Variants in NUP85 observed in about 807,000 individuals in gnomAD.
NUP85 encodes the protein nucleoporin 85.
NUP85 carries 23 observed loss-of-function variants against 92.8 expected under a neutral mutation model. The ratio of observed to expected loss-of-function variants is 0.25; its 90% CI spans 0.18 to 0.35. NUP85 has a LOEUF of 0.35. NUP85 is among the 10% of genes least tolerant of loss of function. NUP85 has a pLI of 1.00. For missense variants in NUP85, 759 were observed against 822.8 expected, an observed-to-expected ratio of 0.92 and a Z score of 0.95; for synonymous variants, 314 against 306.9, an observed-to-expected ratio of 1.02 and a Z score of -0.24.
At chr17:75,211,285 G>A (rs530703120) in intron 3 of NUP85, among the ~76,000 whole-genome samples, 2 of 152,126 alleles carry the variant, frequency 1.3e-5, no homozygotes, top group South Asian at 4.1e-4. Flanking sequence ...TTATAGGAGT[G>A]AGCCACTGCA....
chr17:75,210,784 C>T (rs546617049), intron 3 of NUP85, among the ~76,000 whole-genome samples: 98 of 152,170 alleles, frequency 6.4e-4, no homozygotes, highest in African/African-American at 2.2e-3. Flanking sequence ...TCACTGTAAG[C>T]TCTGCCTCCT....
In NUP85 at chr17:75,212,077, C is replaced by T. The variant is rs1330195512; in HGVS notation, c.361+15C>T. ...CCAGGTTGCAAGTAAGGACTGTGTGCGCGTGCGCGCGTGTGTGTGTGTGTG... is the reference window on the plus strand; with the variant it reads ...CCAGGTTGCAAGTAAGGACTGTGTGTGCGTGCGCGCGTGTGTGTGTGTGTG... On this transcript the variant is annotated intron_variant, in intron 4 of 18. Transcript: ENST00000245544. 2.3e-5 allele frequency: 34 copies of T among 1,488,302 alleles called. No homozygotes were observed. Among genetic ancestry groups the T allele is most frequent in the Middle Eastern group, 1.7e-4 (1 of 5,788 alleles). 92.2% of individuals were successfully genotyped at this position (1,488,302 alleles called of 1,614,324 possible).
In NUP85 at chr17:75,234,723, A is replaced by G. The variant is rs1176497340; in HGVS notation, c.1702A>G (p.Ile568Val). 33 of 1,614,128 alleles carry G rather than the reference A, an allele frequency of 2.0e-5. No homozygotes were observed. The highest frequency in any genetic ancestry group is 2.7e-5 in the Non-Finnish European group (32 of 1,180,022). Residue 568 changes from isoleucine (I) to valine (V), a missense_variant, in exon 17 of 19, where the codon ATT (isoleucine) becomes GTT (valine). Transcript: ENST00000245544. Reference sequence around the variant, plus strand: ...CCTTCTGTCCTTGATGACGTCTCGGATTGCCCCTCGGTCTTTCTGGATGAC... The same window carrying G: ...CCTTCTGTCCTTGATGACGTCTCGGGTTGCCCCTCGGTCTTTCTGGATGAC... ...SLLLSLMTSR[I>V]APRSFWMTLL...
At chr17:75,218,363 C>T (rs1256569886) in intron 7 of NUP85, 57 bp downstream of exon 7, 9 of 1,604,534 alleles carry the variant, frequency 5.6e-6, no homozygotes, top group African/African-American at 1.3e-5. Flanking sequence ...CTGGTGCTGC[C>T]GGGTGGGTCT....
Position 75,222,045 on chromosome 17 carries a change from G to GT in NUP85, c.598-3055dup, listed in dbSNP as rs1464119711. Among the ~76,000 whole-genome samples, 46 of 26,834 alleles carry GT rather than the reference G, an allele frequency of 1.7e-3. 1 individual carries two copies. In the South Asian group the frequency reaches 0.13, roughly 75 times the overall value. The allele number at this position is 26,834 out of a possible 152,430, so 17.6% of individuals were successfully genotyped here. ...CTCGTGTGTGTGTGTGTTTTGTTTT[G>GT]TTTGTTTGTTTGTTTGTTTTGAGAC... On this transcript the variant is annotated intron_variant, in intron 7 of 18. Transcript: ENST00000245544.
chr17:75,211,234 C>T (rs2075250581), intron 3 of NUP85, among the ~76,000 whole-genome samples: 2 of 151,568 alleles, frequency 1.3e-5, no homozygotes, highest in South Asian at 2.1e-4. Context: ...AACTCCTGAC[C>T]TCAAGTGATC....
At position 75,225,431 on chromosome 17, in the gene NUP85, C is replaced by T. The variant is rs774652697; in HGVS notation, c.822C>T (p.Phe274=). The change falls in exon 9 of 19, where the codon TTC becomes TTT. Residue 274 remains phenylalanine, a synonymous_variant. Transcript: ENST00000245544. The part of the protein sequence containing the change: ...ECERYLQDST[F]ATSPHLESLL... ...AGCGGTACCTCCAGGACAGCACATT[C>T]GCCACCAGCCCTCACCTGGAGTCTC... 1.4e-5 allele frequency: 22 copies of T among 1,613,906 alleles called. No individual in the cohort carries two copies. The highest frequency in any genetic ancestry group is 1.8e-5 in the Non-Finnish European group (21 of 1,180,030).
chr17:75,210,528 A>G (rs1446366927), intron 3 of NUP85, among the ~76,000 whole-genome samples: 1 of 152,188 alleles, frequency 6.6e-6, no homozygotes, highest in Non-Finnish European at 1.5e-5. Flanking sequence ...TCTCCAGCAC[A>G]CTGAAGTTTA....
At position 75,232,861 on chromosome 17, in the gene NUP85, T is replaced by C; in HGVS notation, c.1407T>C (p.Ile469=). ...QRQMTEQVRS[I]CKILAMKAVR... ...TTTTCCCCTGCAAAGTTCGCAGCAT[T>C]TGTAAGATCTTAGCCATGAAAGCCG... Residue 469 remains isoleucine (I), a synonymous_variant, in exon 15 of 19, where the codon ATT becomes ATC. Coordinates refer to ENST00000245544, the MANE Select transcript of NUP85 (RefSeq NM_024844.5). 6.2e-7 allele frequency: 1 copy of C among 1,614,062 alleles called. No individual in the cohort carries two copies. Among genetic ancestry groups the C allele is most frequent in the East Asian group, 2.2e-5 (1 of 44,878 alleles).
At chr17:75,219,967 G>C (rs937498114) in intron 7 of NUP85, among the ~76,000 whole-genome samples, 1 of 152,106 alleles carries the variant, frequency 6.6e-6, no homozygotes, top group African/African-American at 2.4e-5. Context: ...GGGAGATAAA[G>C]ACAGAGCGAT....
chr17:75,209,857 C>T lies in NUP85; in HGVS notation c.162C>T (p.Ile54=). 1 of 1,575,484 alleles carries T rather than the reference C, an allele frequency of 6.3e-7. No individual in the cohort carries two copies. The highest frequency in any genetic ancestry group is 8.6e-7 in the Non-Finnish European group (1 of 1,168,828). The change falls in exon 3 of 19, where the codon ATC becomes ATT. Residue 54 remains isoleucine (I), a synonymous_variant. Transcript: ENST00000245544. The part of the protein sequence containing the change: ...KSEMVPSCPF[I]YIIRKDVDVY... Reference sequence around the variant, plus strand: ...AGATGGTGCCAAGTTGCCCCTTTATCTATATCATCCGTAAGGATGTAGATG... The same window carrying T: ...AGATGGTGCCAAGTTGCCCCTTTATTTATATCATCCGTAAGGATGTAGATG...
At chr17:75,232,606 G>A (rs934554883) in intron 14 of NUP85, among the ~76,000 whole-genome samples, 4 of 152,154 alleles carry the variant, frequency 2.6e-5, no homozygotes, top group Non-Finnish European at 4.4e-5. Context: ...GCAACGTTTT[G>A]CTCCCCTTGA....
intron 4 of NUP85, 24 bp from the exon 5 acceptor site, chr17:75,213,052 T>C: frequency 6.2e-7 from 1 of 1,608,950 alleles, no homozygotes; most frequent in South Asian, 1.1e-5. Context: ...CATTGCTCAC[T>C]TAAAATGTTT....
chr17:75,230,367 T>C (rs921079835), intron 11 of NUP85, among the ~76,000 whole-genome samples: 1 of 151,000 alleles, frequency 6.6e-6, no homozygotes, highest in African/African-American at 2.4e-5. Flanking sequence ...TTTTTGTTTT[T>C]TTTTTTTTTT....
In NUP85 at chr17:75,235,623, C is replaced by G. The variant is rs2076304371; in HGVS notation, c.1915C>G (p.Leu639Val). ...CAAGGTGGAAATGCTGAGACTTTCT[C>G]TGGCACGAAATCTTGCTCGGGCAAT... ...TTKVEMLRLS[L>V]ARNLARAIIR... The change falls in exon 19 of 19, where the codon CTG (leucine) becomes GTG (valine). Residue 639 changes from leucine to valine, a missense_variant. Transcript: ENST00000245544. The G allele has an allele frequency of 6.2e-7, 1 of 1,614,154 alleles. No homozygotes were observed. The highest frequency in any genetic ancestry group is 2.2e-5 in the East Asian group (1 of 44,890).
At chr17:75,207,118 G>A (rs1384716328) in intron 1 of NUP85, among the ~76,000 whole-genome samples, 1 of 151,986 alleles carries the variant, frequency 6.6e-6, no homozygotes, top group South Asian at 2.1e-4. Context: ...GAAAATTTTA[G>A]AGGCTCACAA....
chr17:75,232,035 C>T, intron 14 of NUP85, 56 bp downstream of exon 14: 2 of 1,594,662 alleles, frequency 1.3e-6, no homozygotes, highest in Non-Finnish European at 1.7e-6. Flanking sequence ...TCAGGGGATC[C>T]TGAGGTCACA....
chr17:75,208,570 A>C lies in NUP85; in HGVS notation c.77A>C (p.Asp26Ala). 6.2e-7 allele frequency: 1 copy of C among 1,610,322 alleles called. No homozygotes were observed. Among genetic ancestry groups the C allele is most frequent in the Non-Finnish European group, 8.5e-7 (1 of 1,176,978 alleles). Residue 26 changes from aspartate to alanine, a missense_variant, in exon 2 of 19, where the codon GAC (aspartate) becomes GCC (alanine). Asp to Ala is a moderately radical substitution (Grantham distance 126). Coordinates refer to ENST00000245544, the MANE Select transcript of NUP85 (RefSeq NM_024844.5). Reference protein sequence around the residue: ...VNSKKNQMYFDWGPGEMLVCE... With the variant: ...VNSKKNQMYFAWGPGEMLVCE... The stretch of plus-strand genomic sequence containing the variant: ...TCCAAGAAGAACCAAATGTATTTTG[A>C]CTGGGGTCCAGGGGAGATGCTGGTA...
intron 17 of NUP85, 136 bp downstream of exon 17, chr17:75,234,924 TG>T (rs1568099157): frequency 8.4e-7 from 1 of 1,187,072 alleles, no homozygotes; most frequent in Non-Finnish European, 1.3e-6. Context: ...GCGCCCTCTC[TG>T]GGATTCCAGA....
Sources: gnomAD v4.1 joint callset for allele counts (sites outside exome capture counted in the v4.1 genomes callset) on GRCh38, gnomAD v4.1.1 for gene constraint, MANE v1.5 for transcripts, NCBI Gene and HGNC (gene_info 2026-07-23, HGNC 2026-07-21) for gene names.